Variants in DHPS observed in about 807,000 individuals in gnomAD.
The protein encoded by DHPS is deoxyhypusine synthase.
A neutral mutation model predicts 38.7 loss-of-function variants in DHPS; 24 were observed. That is an observed-to-expected ratio of 0.62 (90% CI 0.45 to 0.87). The LOEUF (loss-of-function observed/expected upper bound fraction) is 0.87, where lower values mean the gene tolerates loss of function less well. DHPS is among the 40% of genes least tolerant of loss of function. The pLI, the probability that DHPS is intolerant of heterozygous loss-of-function variation, is 0.00. For synonymous variants in DHPS, 250 were observed against 204.4 expected (o/e 1.22, Z -1.90); for missense variants, 510 against 497.6 (o/e 1.02, Z -0.24).
At chr19:12,681,525 C>A in intron 1 of DHPS, 35 bp downstream of exon 1, 1 of 1,612,560 alleles carries the variant, frequency 6.2e-7, no homozygotes, top group Non-Finnish European at 8.5e-7. Flanking sequence ...AAGCCACGCC[C>A]CTCCGCGTCC....
downstream of DHPS, chr19:12,673,108 G>C: frequency 1.2e-6 from 2 of 1,612,848 alleles, no homozygotes; most frequent in Non-Finnish European, 8.5e-7. Flanking sequence ...CAGGGGAGCT[G>C]CTGGGCGAGT....
downstream of DHPS, chr19:12,673,251 G>A (rs763059603): frequency 1.1e-5 from 18 of 1,614,004 alleles, no homozygotes; most frequent in African/African-American, 4.0e-5. Context: ...CTGCCTGAGC[G>A]AGCGTGACAC....
Position 12,677,401 on chromosome 19 carries a change from A to G in DHPS, c.679-5T>C. On this transcript the variant is annotated splice_region_variant and splice_polypyrimidine_tract_variant and intron_variant, in intron 5 of 8. Coordinates refer to ENST00000210060, the MANE Select transcript of DHPS (RefSeq NM_001930.4). ...ACTAAACACAGGGATGTGGTTCTGC[A>G]GAGAACATGACAGGACAGTGGCTGG... 1.2e-6 allele frequency: 2 copies of G among 1,612,648 alleles called. No homozygotes were observed. Among genetic ancestry groups the G allele is most frequent in the Non-Finnish European group, 1.7e-6 (2 of 1,179,132 alleles).
At chr19:12,673,075 A>G, downstream of DHPS, 2 of 1,613,428 alleles carry the variant, frequency 1.2e-6, no homozygotes, top group Middle Eastern at 1.7e-4. Flanking sequence ...TGGACTCCAC[A>G]TTGCGGCTCC....
chr19:12,680,255 G>C lies in DHPS; in HGVS notation c.278C>G (p.Pro93Arg), dbSNP rs2024760584. ...CAGGAAAATGGTGCAGCTGGTAAGT[G>C]GGCGGCGGCTCTGGGTCAGGTCCGC... ...QHADLTQSRRPLTSCTIFLGY... is the reference protein window; with the variant it reads ...QHADLTQSRRRLTSCTIFLGY... Residue 93 changes from proline to arginine, a missense_variant, in exon 2 of 9, where the codon CCA becomes CGA. Coordinates refer to ENST00000210060, the MANE Select transcript of DHPS (RefSeq NM_001930.4). 1 of 1,614,138 alleles carries C rather than the reference G, an allele frequency of 6.2e-7. No individual in the cohort carries two copies. The highest frequency in any genetic ancestry group is 1.3e-5 in the African/African-American group (1 of 75,012).
chr19:12,680,086 A>G lies in DHPS; in HGVS notation c.372+75T>C. 4.4e-6 allele frequency: 7 copies of G among 1,589,370 alleles called. No individual in the cohort carries two copies. In the South Asian group the frequency reaches 5.6e-5, roughly 13 times the overall value. ...GCTTATAACAGACCCCTATCTGCCC[A>G]TCTCACTTAAACGATCAATAACTGC... On this transcript the variant is annotated intron_variant, in intron 2 of 8. Coordinates refer to ENST00000210060, the MANE Select transcript of DHPS (RefSeq NM_001930.4).
At chr19:12,674,574 C>T (rs901435502), downstream of DHPS, among the ~76,000 whole-genome samples, 3 of 152,180 alleles carry the variant, frequency 2.0e-5, no homozygotes, top group Non-Finnish European at 4.4e-5. Context: ...CATCAAGGGA[C>T]ATTTTCAAGG....
chr19:12,679,601 C>T (rs2145363155), intron 4 of DHPS, 22 bp downstream of exon 4: 1 of 1,614,172 alleles, frequency 6.2e-7, no homozygotes, highest in East Asian at 2.2e-5. Flanking sequence ...GAACTGGCCC[C>T]TCCAGGTTGC....
At chr19:12,681,533 T>G (rs1334054558) in intron 1 of DHPS, 27 bp downstream of exon 1, 1 of 1,613,580 alleles carries the variant, frequency 6.2e-7, no homozygotes, top group East Asian at 2.2e-5. Context: ...CCCCTCCGCG[T>G]CCCTAGAAAT....
downstream of DHPS, chr19:12,672,727 G>A: frequency 9.5e-7 from 1 of 1,055,704 alleles, no homozygotes; most frequent in East Asian, 2.6e-5. Context: ...CAAGGCCAGA[G>A]CTTCAGAATT....
Position 12,681,758 on chromosome 19 carries a change from A to ACCTTC in DHPS, c.4_8dup (p.Ser4LysfsTer17). ...CCGCTGGCGCCTCCCGTTCCAGGGA[A>ACCTTC]CCTTCCATGCGCCTATAGCCGGCTC... On this transcript the variant is annotated frameshift_variant, in exon 1 of 9. Transcript: ENST00000210060. LOFTEE classifies it high-confidence loss of function. 6.2e-7 allele frequency: 1 copy of ACCTTC among 1,609,094 alleles called. No individual in the cohort carries two copies. Among genetic ancestry groups the ACCTTC allele is most frequent in the Non-Finnish European group, 8.5e-7 (1 of 1,179,778 alleles).
At chr19:12,673,708 A>C (rs1245956110), downstream of DHPS, among the ~76,000 whole-genome samples, 2 of 150,308 alleles carry the variant, frequency 1.3e-5, no homozygotes, top group Non-Finnish European at 3.0e-5. Flanking sequence ...AAGCCACCAC[A>C]CCCGGCCCTT....
chr19:12,676,910 T>C (rs2024608679), intron 7 of DHPS, 198 bp downstream of exon 7: 3 of 594,710 alleles, frequency 5.0e-6, no homozygotes, highest in Admixed American at 5.6e-5. Flanking sequence ...TCTCTTCTCA[T>C]GCCATCATTT....
chr19:12,672,978 CCTCA>C (rs764295128), downstream of DHPS: 475 of 1,602,604 alleles, frequency 3.0e-4, no homozygotes, highest in Admixed American at 5.0e-4. Context: ...GGCACCCCAC[CCTCA>C]CTCACCTACC....
downstream of DHPS, among the ~76,000 whole-genome samples, chr19:12,674,698 G>A (rs139273534): frequency 1.3e-5 from 2 of 152,270 alleles, no homozygotes; most frequent in Admixed American, 6.5e-5. Context: ...CTGGTGGCAG[G>A]GAACAGGCAA....
At chr19:12,673,604 G>C (rs1292745836), downstream of DHPS, among the ~76,000 whole-genome samples, 1 of 151,968 alleles carries the variant, frequency 6.6e-6, no homozygotes, top group Non-Finnish European at 1.5e-5. Flanking sequence ...TTTTAGTAGA[G>C]ACAGGGTTTC....
At chr19:12,681,356 T>G in intron 1 of DHPS, 1 of 987,422 alleles carries the variant, frequency 1.0e-6, no homozygotes, top group Non-Finnish European at 1.4e-6. Flanking sequence ...CAGGTTACCG[T>G]ACCAGCATGT....
chr19:12,679,776 G>T (rs764192302), intron 3 of DHPS, 25 bp downstream of exon 3: 1 of 1,613,944 alleles, frequency 6.2e-7, no homozygotes, highest in Non-Finnish European at 8.5e-7. Context: ...CAGCTCCCCT[G>T]CCCAACACCA....
At chr19:12,680,048 A>T in intron 2 of DHPS, 113 bp downstream of exon 2, 1 of 1,553,416 alleles carries the variant, frequency 6.4e-7, no homozygotes, top group Non-Finnish European at 8.7e-7. Context: ...ACAAAACTTG[A>T]TTCTATTCCT....
Sources: gnomAD v4.1 joint callset for allele counts (sites outside exome capture counted in the v4.1 genomes callset) on GRCh38, gnomAD v4.1.1 for gene constraint, MANE v1.5 for transcripts, NCBI Gene and HGNC (gene_info 2026-07-23, HGNC 2026-07-21) for gene names.